Variants in ARL3 observed in about 807,000 individuals in gnomAD.
The protein encoded by ARL3 is ARF like GTPase 3, also known as ADP-ribosylation factor-like protein 3.
In ARL3, 9 loss-of-function variants were observed where a neutral mutation model predicts 26.0. That is an observed-to-expected ratio of 0.35 (90% CI 0.21 to 0.60). The LOEUF is 0.60. Among genes scored for constraint, ARL3 ranks in the 20% least tolerant of loss-of-function variants. The pLI is 0.78. For synonymous variants in ARL3, 71 were observed against 78.4 expected (o/e 0.91, Z 0.50); for missense variants, 158 against 215.7 (o/e 0.73, Z 1.67).
intron 3 of ARL3, among the ~76,000 whole-genome samples, chr10:102,696,349 T>C (rs1309727053): frequency 2.0e-5 from 3 of 147,626 alleles, no homozygotes; most frequent in Admixed American, 7.0e-5. Context: ...CACTGCAACC[T>C]GCACCTCCCT....
At chr10:102,690,871 T>C (rs1174676749) in intron 3 of ARL3, among the ~76,000 whole-genome samples, 1 of 146,454 alleles carries the variant, frequency 6.8e-6, no homozygotes, top group Admixed American at 6.7e-5. Flanking sequence ...GAGTTACTCT[T>C]AGTCTTTCAA....
At chr10:102,700,975 G>T (rs537401516) in intron 2 of ARL3, among the ~76,000 whole-genome samples, 1 of 152,082 alleles carries the variant, frequency 6.6e-6, no homozygotes, top group Admixed American at 6.6e-5. Context: ...GACCTCAGGT[G>T]ATCCGCCCGC....
rs146877354 is a variant in ARL3 at position 102,689,101 on chromosome 10, T to A, written c.315+792A>T. Among the ~76,000 whole-genome samples the A allele has an allele frequency of 1.9e-3, 290 of 152,188 alleles. 4 individuals are homozygous for A. The East Asian group carries it at 0.045, about 24-fold the overall frequency. ...ACTTTGGGAGGCTGAGGTGGGTGGA[T>A]CATCTGAGGTCAAGAGTTCAAGACC... On this transcript the variant is annotated intron_variant, in intron 4 of 5. Transcript: ENST00000260746.
At chr10:102,702,230 A>G (rs930659135) in intron 2 of ARL3, among the ~76,000 whole-genome samples, 3 of 151,984 alleles carry the variant, frequency 2.0e-5, no homozygotes, top group Non-Finnish European at 4.4e-5. Context: ...GATACAAGCT[A>G]GTATATCCTC....
chr10:102,710,755 C>G (rs1289226458), intron 1 of ARL3, among the ~76,000 whole-genome samples: 2 of 152,200 alleles, frequency 1.3e-5, no homozygotes, highest in African/African-American at 4.8e-5. Flanking sequence ...TATCTACACC[C>G]TGGTGGGCAG....
intron 5 of ARL3, among the ~76,000 whole-genome samples, chr10:102,682,236 C>T (rs1457735299): frequency 6.6e-6 from 1 of 152,146 alleles, no homozygotes; most frequent in Non-Finnish European, 1.5e-5. Flanking sequence ...GGACAGTGGG[C>T]CTCTTGGCAC....
chr10:102,685,904 T>G lies in ARL3; in HGVS notation c.413A>C (p.Glu138Ala). The change falls in exon 5 of 6, where the codon GAA becomes GCA. Residue 138 changes from glutamate (E) to alanine (A), a missense_variant. Coordinates refer to ENST00000260746, the MANE Select transcript of ARL3 (RefSeq NM_004311.4). The part of the protein sequence containing the change: ...QDLLTAAPAS[E>A]IAEGLNLHTI... Reference sequence around the variant, plus strand: ...ATGCAGGTTCAGTCCTTCTGCAATTTCAGAGGCAGGGGCTGCTGTGAGCAA... The same window carrying G: ...ATGCAGGTTCAGTCCTTCTGCAATTGCAGAGGCAGGGGCTGCTGTGAGCAA... 1 of 1,614,150 alleles carries G rather than the reference T, an allele frequency of 6.2e-7. No homozygotes were observed.
At chr10:102,679,065 C>T (rs536018636) in intron 5 of ARL3, among the ~76,000 whole-genome samples, 1 of 152,362 alleles carries the variant, frequency 6.6e-6, no homozygotes, top group Admixed American at 6.5e-5. Context: ...CTGCCCTGGG[C>T]CCGGGAGGCC....
At chr10:102,705,577 G>T in intron 1 of ARL3, 88 bp from the exon 2 acceptor site, 1 of 1,291,740 alleles carries the variant, frequency 7.7e-7, no homozygotes, top group African/African-American at 1.5e-5. Context: ...CTTGAAAAAA[G>T]TTATTGGTTA....
At chr10:102,701,251 G>T (rs1352293249) in intron 2 of ARL3, among the ~76,000 whole-genome samples, 1 of 152,164 alleles carries the variant, frequency 6.6e-6, no homozygotes, top group East Asian at 1.9e-4. Flanking sequence ...GAAAAACCCA[G>T]TCAACAGCTT....
At chr10:102,689,647 T>C (rs2064206269) in intron 4 of ARL3, among the ~76,000 whole-genome samples, 1 of 151,698 alleles carries the variant, frequency 6.6e-6, no homozygotes, top group Admixed American at 6.6e-5. Context: ...GCCTGACCAA[T>C]GTGGTGAAAC....
chr10:102,709,056 A>G (rs1033865714), intron 1 of ARL3, among the ~76,000 whole-genome samples: 3 of 151,064 alleles, frequency 2.0e-5, no homozygotes, highest in Non-Finnish European at 4.4e-5. Context: ...AGATGTGTAC[A>G]ACCGCACCCA....
At chr10:102,683,543 A>G (rs981000337) in intron 5 of ARL3, among the ~76,000 whole-genome samples, 14 of 152,112 alleles carry the variant, frequency 9.2e-5, no homozygotes, top group East Asian at 3.8e-4. Flanking sequence ...ATCTCTCTTG[A>G]TATCATTTCC....
At chr10:102,685,595 A>G (rs1184511016) in intron 5 of ARL3, among the ~76,000 whole-genome samples, 4 of 152,200 alleles carry the variant, frequency 2.6e-5, no homozygotes, top group African/African-American at 4.8e-5. Context: ...CATCCCTCCC[A>G]AAGGGGAAGC....
chr10:102,708,567 T>A (rs745990002), intron 1 of ARL3, among the ~76,000 whole-genome samples: 264 of 151,964 alleles, frequency 1.7e-3, no homozygotes, highest in Non-Finnish European at 2.9e-3. Flanking sequence ...TTAAAAAAAA[T>A]TTTTTTTGGC....
At chr10:102,706,429 T>TG (rs2064311709) in intron 1 of ARL3, among the ~76,000 whole-genome samples, 1 of 151,798 alleles carries the variant, frequency 6.6e-6, no homozygotes, top group African/African-American at 2.4e-5. Context: ...CCAGCCTGGG[T>TG]GACAGAGCAA....
chr10:102,681,720 G>A (rs2064157019), intron 5 of ARL3, among the ~76,000 whole-genome samples: 2 of 152,188 alleles, frequency 1.3e-5, no homozygotes, highest in Admixed American at 1.3e-4. Flanking sequence ...AAGGTTATGG[G>A]AGGAGGCAAG....
At chr10:102,695,832 T>G (rs1308766894) in intron 3 of ARL3, among the ~76,000 whole-genome samples, 2 of 152,026 alleles carry the variant, frequency 1.3e-5, no homozygotes, top group Non-Finnish European at 2.9e-5. Context: ...TAAAATATTT[T>G]TAATTATTTT....
At chr10:102,678,643 C>G (rs768852973) in intron 5 of ARL3, among the ~76,000 whole-genome samples, 1 of 152,224 alleles carries the variant, frequency 6.6e-6, no homozygotes, top group Non-Finnish European at 1.5e-5. Flanking sequence ...GGACAGTGTG[C>G]CCACACTATG....
Sources: allele counts gnomAD v4.1 joint callset (sites outside exome capture counted in the v4.1 genomes callset), GRCh38; gene constraint gnomAD v4.1.1; transcripts MANE v1.5; gene names NCBI Gene and HGNC (gene_info 2026-07-23, HGNC 2026-07-21).